PPP3CA: variants seen among roughly 807,000 people sequenced by gnomAD.
The protein encoded by PPP3CA is protein phosphatase 3 catalytic subunit alpha.
PPP3CA carries 14 observed loss-of-function variants against 66.5 expected under a neutral mutation model. The ratio of observed to expected loss-of-function variants is 0.21; its 90% CI spans 0.14 to 0.33. The LOEUF is 0.33. Among genes scored for constraint, PPP3CA ranks in the 10% least tolerant of loss-of-function variants. The pLI is 1.00. For synonymous variants in PPP3CA, 232 were observed against 226.2 expected (o/e 1.03, Z -0.23); for missense variants, 317 against 639.5 (o/e 0.50, Z 5.44).
chr4:101,040,653 G>A (rs1039960057), intron 10 of PPP3CA, 87 bp from the exon 11 acceptor site: 1 of 981,644 alleles, frequency 1.0e-6, no homozygotes, highest in Admixed American at 3.0e-5. Flanking sequence ...ACAGACTCCA[G>A]TAAGCAAAAT....
At chr4:101,059,301 T>C (rs1456506701) in intron 10 of PPP3CA, among the ~76,000 whole-genome samples, 1 of 152,174 alleles carries the variant, frequency 6.6e-6, no homozygotes, top group African/African-American at 2.4e-5. Context: ...TTATATATTC[T>C]TAATTTTAGC....
chr4:101,214,602 T>G (rs1047824207), intron 1 of PPP3CA, among the ~76,000 whole-genome samples: 1 of 152,172 alleles, frequency 6.6e-6, no homozygotes, highest in African/African-American at 2.4e-5. Flanking sequence ...AATTTCTACC[T>G]ATTAGATGAA....
intron 2 of PPP3CA, among the ~76,000 whole-genome samples, chr4:101,151,951 C>A (rs914287000): frequency 1.3e-5 from 2 of 152,058 alleles, no homozygotes; most frequent in African/African-American, 4.8e-5. Context: ...CCACTGCACC[C>A]AGCCAAGTTT....
intron 13 of PPP3CA, among the ~76,000 whole-genome samples, chr4:101,028,518 C>T: frequency 6.6e-6 from 1 of 152,140 alleles, no homozygotes; most frequent in East Asian, 1.9e-4. Context: ...TTGATACTCG[C>T]TATTCTTGTT....
intron 8 of PPP3CA, among the ~76,000 whole-genome samples, chr4:101,063,977 A>T (rs1206584813): frequency 6.6e-6 from 1 of 151,964 alleles, no homozygotes; most frequent in African/African-American, 2.4e-5. Context: ...TTGTATTTGG[A>T]ACATTCAATA....
intron 1 of PPP3CA, among the ~76,000 whole-genome samples, chr4:101,244,243 C>T (rs1266887450): frequency 6.6e-6 from 1 of 152,118 alleles, no homozygotes; most frequent in Non-Finnish European, 1.5e-5. Flanking sequence ...CAGGACCAAC[C>T]TCCAATAATA....
intron 1 of PPP3CA, among the ~76,000 whole-genome samples, chr4:101,326,857 C>T (rs1378324704): frequency 6.6e-6 from 1 of 152,162 alleles, no homozygotes; most frequent in Non-Finnish European, 1.5e-5. Flanking sequence ...GAAAAGAAAC[C>T]TCTTAAATAT....
chr4:101,065,354 T>C (rs968575743), intron 8 of PPP3CA, among the ~76,000 whole-genome samples: 3 of 152,114 alleles, frequency 2.0e-5, no homozygotes, highest in African/African-American at 7.2e-5. Flanking sequence ...GATGAATCTT[T>C]AAGGCTCTAA....
chr4:101,104,826 A>C (rs1001415413), intron 3 of PPP3CA, among the ~76,000 whole-genome samples: 3 of 152,202 alleles, frequency 2.0e-5, no homozygotes, highest in African/African-American at 7.2e-5. Context: ...CAGTCTAATC[A>C]AAATGGAACA....
chr4:101,031,632 C>T (rs1726965863), intron 12 of PPP3CA, among the ~76,000 whole-genome samples: 1 of 152,164 alleles, frequency 6.6e-6, no homozygotes, highest in Non-Finnish European at 1.5e-5. Flanking sequence ...TCCACCATCA[C>T]AAAGAGCTCT....
Position 101,191,598 on chromosome 4 carries a change from A to T in PPP3CA, c.259+4318T>A, listed in dbSNP as rs528193844. Among the ~76,000 whole-genome samples the T allele has an allele frequency of 2.0e-5, 3 of 152,296 alleles. No individual in the cohort carries two copies. In the East Asian group the frequency reaches 5.8e-4, roughly 29 times the overall value. ...GCCCCAGACAAAATATTTTATCTCC[A>T]TATAAACTAAGGCCACATTGCTTCA... On this transcript the variant is annotated intron_variant, in intron 2 of 13. Coordinates refer to ENST00000394854, the MANE Select transcript of PPP3CA (RefSeq NM_000944.5).
chr4:101,258,857 T>G (rs1726923632), intron 1 of PPP3CA, among the ~76,000 whole-genome samples: 1 of 152,116 alleles, frequency 6.6e-6, no homozygotes, highest in South Asian at 2.1e-4. Flanking sequence ...AGTGAACTGT[T>G]GAAGCCCAAC....
At chr4:101,206,740 C>T (rs943066950) in intron 1 of PPP3CA, among the ~76,000 whole-genome samples, 3 of 152,134 alleles carry the variant, frequency 2.0e-5, no homozygotes, top group Admixed American at 1.3e-4. Flanking sequence ...ATTGTCTTTT[C>T]CCCATCTCAC....
At chr4:101,185,344 T>C (rs747074632) in intron 2 of PPP3CA, among the ~76,000 whole-genome samples, 6 of 152,304 alleles carry the variant, frequency 3.9e-5, no homozygotes, top group East Asian at 3.9e-4. Context: ...TGAGGTCTTA[T>C]GTAAATTATC....
At chr4:101,207,351 T>C (rs1173820040) in intron 1 of PPP3CA, among the ~76,000 whole-genome samples, 2 of 152,186 alleles carry the variant, frequency 1.3e-5, no homozygotes, top group Non-Finnish European at 2.9e-5. Context: ...AAACTTGCAA[T>C]ATCCAAGACT....
chr4:101,083,227 G>T lies in PPP3CA; in HGVS notation c.819C>A (p.Asn273Lys). The T allele has an allele frequency of 6.2e-7, 1 of 1,605,438 alleles. No individual in the cohort carries two copies. The highest frequency in any genetic ancestry group is 8.5e-7 in the Non-Finnish European group (1 of 1,175,478). Residue 273 changes from asparagine to lysine, a missense_variant, in exon 7 of 14, where the codon AAC becomes AAA. Coordinates refer to ENST00000394854, the MANE Select transcript of PPP3CA (RefSeq NM_000944.5). Reference protein sequence around the residue: ...PAVCEFLQHNNLLSILRAHEA... With the variant: ...PAVCEFLQHNKLLSILRAHEA... ...CGTGGGCTCGGAGTATAGATAACAAGTTATTGTGCTGTAAGAATTCACATA... is the reference window on the plus strand; with the variant it reads ...CGTGGGCTCGGAGTATAGATAACAATTTATTGTGCTGTAAGAATTCACATA...
chr4:101,184,944 T>C (rs1470634322), intron 2 of PPP3CA, among the ~76,000 whole-genome samples: 1 of 152,000 alleles, frequency 6.6e-6, no homozygotes, highest in Admixed American at 6.6e-5. Flanking sequence ...GCTGCGGCAG[T>C]CCCACAGAAA....
At chr4:101,291,680 T>C (rs1477474825) in intron 1 of PPP3CA, among the ~76,000 whole-genome samples, 2 of 152,192 alleles carry the variant, frequency 1.3e-5, no homozygotes, top group Non-Finnish European at 1.5e-5. Flanking sequence ...AATACTTGAA[T>C]GAATATCTGT....
rs578080742 is a variant in PPP3CA, at chr4:101,155,229, G to T, written c.259+40687C>A. On this transcript the variant is annotated intron_variant, in intron 2 of 13. Transcript: ENST00000394854. The stretch of plus-strand genomic sequence containing the variant: ...CAAAATCTCATTCTTTCCTTTTGAC[G>T]TGTCCAGTAGCTAGCACAGTGCTTG... 1.6e-4 allele frequency among the ~76,000 whole-genome samples: 25 copies of T among 152,084 alleles called. 1 individual carries two copies. Among genetic ancestry groups the T allele is most frequent in the African/African-American group, 5.1e-4 (21 of 41,394 alleles).
Sources: gnomAD v4.1 joint callset for allele counts (sites outside exome capture counted in the v4.1 genomes callset) on GRCh38, gnomAD v4.1.1 for gene constraint, MANE v1.5 for transcripts, NCBI Gene and HGNC (gene_info 2026-07-23, HGNC 2026-07-21) for gene names.